Variants in RNF217 observed in about 807,000 individuals in gnomAD.
The protein encoded by RNF217 is E3 ubiquitin-protein ligase RNF217.
RNF217 carries 31 observed loss-of-function variants against 57.8 expected under a neutral mutation model. That is an observed-to-expected ratio of 0.54 (90% CI 0.40 to 0.72). RNF217 has a LOEUF of 0.72. RNF217 is among the 30% of genes least tolerant of loss of function. The probability of loss-of-function intolerance (pLI) is 0.00; values close to 1 mark genes in which losing one functional copy is unlikely to be tolerated. For synonymous variants in RNF217, 313 were observed against 294.0 expected, an observed-to-expected ratio of 1.06 and a Z score of -0.66; for missense variants, 696 against 708.3, an observed-to-expected ratio of 0.98 and a Z score of 0.20.
At chr6:124,970,915 T>C (rs1445452246) in intron 1 of RNF217, among the ~76,000 whole-genome samples, 1 of 152,200 alleles carries the variant, frequency 6.6e-6, no homozygotes, top group Non-Finnish European at 1.5e-5. Context: ...CAGGATGAGG[T>C]TTGAAATTGA....
At chr6:125,052,283 T>TG in intron 2 of RNF217, among the ~76,000 whole-genome samples, 2 of 139,500 alleles carry the variant, frequency 1.4e-5, no homozygotes, top group African/African-American at 6.4e-5. Flanking sequence ...TGTCATGCGT[T>TG]TTGTGTGTGT....
intron 1 of RNF217, among the ~76,000 whole-genome samples, chr6:124,979,354 G>C (rs1455659565): frequency 2.0e-5 from 3 of 152,138 alleles, no homozygotes; most frequent in Admixed American, 6.5e-5. Flanking sequence ...GTTAGGCGTG[G>C]GCAGCTCTCT....
intron 1 of RNF217, among the ~76,000 whole-genome samples, chr6:125,026,070 G>A (rs191833130): frequency 6.6e-6 from 1 of 152,260 alleles, no homozygotes; most frequent in African/African-American, 2.4e-5. Context: ...CTTGTCCACA[G>A]CACTGAGGGA....
chr6:125,061,760 A>G (rs1787742505), intron 3 of RNF217, among the ~76,000 whole-genome samples: 1 of 151,814 alleles, frequency 6.6e-6, no homozygotes, highest in Admixed American at 6.6e-5. Flanking sequence ...ATATTTTTAT[A>G]TATTTACATA....
intron 3 of RNF217, among the ~76,000 whole-genome samples, chr6:125,074,755 C>T (rs561111722): frequency 6.6e-6 from 1 of 151,992 alleles, no homozygotes; most frequent in South Asian, 2.1e-4. Flanking sequence ...AATAAATACA[C>T]TGTATTAGGG....
chr6:125,073,300 T>C (rs1459934402), intron 3 of RNF217, among the ~76,000 whole-genome samples: 1 of 152,138 alleles, frequency 6.6e-6, no homozygotes, highest in East Asian at 1.9e-4. Flanking sequence ...ACAGTAACCA[T>C]TGATAAACAT....
At position 125,090,507 on chromosome 6, in the gene RNF217, T is replaced by G. The variant is rs1294249018; in HGVS notation, c.*7570T>G. ...AATATTAAAGAGAAAAAAATTCGAG[T>G]GTTTATCTGTTATTACTGTATATTC... On this transcript the variant is annotated 3_prime_UTR_variant, in exon 6 of 6. Coordinates refer to ENST00000521654, the MANE Select transcript of RNF217 (RefSeq NM_001286398.3). The G allele has an allele frequency of 2.0e-5, 3 of 151,662 alleles. No individual in the cohort carries two copies. Among genetic ancestry groups the G allele is most frequent in the Non-Finnish European group, 4.4e-5 (3 of 67,776 alleles). 9.4% of individuals were successfully genotyped at this position (151,662 alleles called of 1,614,324 possible).
Position 125,086,200 on chromosome 6 carries a change from A to G in RNF217, c.*3263A>G, listed in dbSNP as rs1350206760. On this transcript the variant is annotated 3_prime_UTR_variant, in exon 6 of 6. Transcript: ENST00000521654. Reference sequence around the variant, plus strand: ...ATGAGACCCTTTTTTGGATAAAAAGAAAGATTGTACAGGAGTGCATAATTT... The same window carrying G: ...ATGAGACCCTTTTTTGGATAAAAAGGAAGATTGTACAGGAGTGCATAATTT... 1 of 152,056 alleles carries G rather than the reference A, an allele frequency of 6.6e-6. No individual in the cohort carries two copies. Among genetic ancestry groups the G allele is most frequent in the Non-Finnish European group, 1.5e-5 (1 of 67,938 alleles). 9.4% of individuals were successfully genotyped at this position (152,056 alleles called of 1,614,324 possible). A position where few individuals can be genotyped will look rare whatever the true frequency, so the allele number is the denominator to read the frequency against.
chr6:124,980,190 G>T (rs530952756), intron 1 of RNF217, among the ~76,000 whole-genome samples: 77 of 152,232 alleles, frequency 5.1e-4, no homozygotes, highest in African/African-American at 1.8e-3. Context: ...CAAAAAATTT[G>T]GAAACATCTT....
intron 1 of RNF217, among the ~76,000 whole-genome samples, chr6:125,007,261 T>C (rs909530270): frequency 6.7e-6 from 1 of 149,522 alleles, no homozygotes; most frequent in African/African-American, 2.6e-5. Context: ...TTTTTTTTTT[T>C]TGAGATGGAG....
At chr6:125,052,284 T>TTGTGTGTG (rs368469313) in intron 2 of RNF217, among the ~76,000 whole-genome samples, 12,417 of 143,036 alleles carry the variant, frequency 0.087, 876 homozygotes, top group African/African-American at 0.2. Context: ...GTCATGCGTT[T>TTGTGTGTG]TGTGTGTGTG....
At chr6:125,078,529 A>G (rs1382854387) in intron 4 of RNF217, among the ~76,000 whole-genome samples, 1 of 152,110 alleles carries the variant, frequency 6.6e-6, no homozygotes, top group Non-Finnish European at 1.5e-5. Flanking sequence ...CAGAAGGGCC[A>G]GCAAGCCCAC....
At chr6:124,985,531 G>T (rs1356371430) in intron 1 of RNF217, among the ~76,000 whole-genome samples, 1 of 152,048 alleles carries the variant, frequency 6.6e-6, no homozygotes, top group Non-Finnish European at 1.5e-5. Context: ...TAATAAAGTA[G>T]AATATTCAAC....
At chr6:125,049,886 G>C (rs984487332) in intron 2 of RNF217, among the ~76,000 whole-genome samples, 1 of 151,844 alleles carries the variant, frequency 6.6e-6, no homozygotes, top group Non-Finnish European at 1.5e-5. Context: ...AATTAGTTCA[G>C]TTTGAAATAT....
chr6:125,049,163 A>G (rs1273639965), intron 2 of RNF217, among the ~76,000 whole-genome samples: 1 of 152,056 alleles, frequency 6.6e-6, no homozygotes, highest in East Asian at 1.9e-4. Flanking sequence ...AATATAGAGA[A>G]CAAGTTAATG....
chr6:124,999,979 T>G (rs1403377875), intron 1 of RNF217, among the ~76,000 whole-genome samples: 1 of 152,236 alleles, frequency 6.6e-6, no homozygotes, highest in Non-Finnish European at 1.5e-5. Flanking sequence ...TGCTGTTTGC[T>G]GAAACTAAAT....
intron 2 of RNF217, among the ~76,000 whole-genome samples, chr6:125,054,648 G>A (rs183907667): frequency 2.0e-4 from 31 of 152,296 alleles, no homozygotes; most frequent in African/African-American, 7.2e-4. Flanking sequence ...TTGCCAACTA[G>A]TGGATACATG....
At chr6:125,076,307 A>G (rs995771112) in intron 3 of RNF217, among the ~76,000 whole-genome samples, 2 of 152,182 alleles carry the variant, frequency 1.3e-5, no homozygotes, top group Non-Finnish European at 2.9e-5. Context: ...TGATCATAGC[A>G]TAAACAAAAT....
intron 3 of RNF217, among the ~76,000 whole-genome samples, chr6:125,075,188 G>A (rs2114638835): frequency 6.6e-6 from 1 of 152,254 alleles, no homozygotes; most frequent in African/African-American, 2.4e-5. Context: ...ATTAGTGTTA[G>A]TGTGTTTTAT....
Sources: allele counts gnomAD v4.1 joint callset (sites outside exome capture counted in the v4.1 genomes callset), GRCh38; gene constraint gnomAD v4.1.1; transcripts MANE v1.5; gene names NCBI Gene and HGNC (gene_info 2026-07-23, HGNC 2026-07-21).